Variants in DNASE1 observed in about 807,000 individuals in gnomAD.
The protein encoded by DNASE1 is deoxyribonuclease-1.
In DNASE1, 40 loss-of-function variants were observed where a neutral mutation model predicts 33.9. The ratio of observed to expected loss-of-function variants is 1.18; its 90% CI spans 0.92 to 1.54. DNASE1 has a LOEUF of 1.54. DNASE1 is among the 40% of genes most tolerant of loss of function. DNASE1 has a pLI of 0.00. For synonymous variants in DNASE1, 216 were observed against 160.0 expected, an observed-to-expected ratio of 1.35 and a Z score of -2.64; for missense variants, 518 against 372.6, an observed-to-expected ratio of 1.39 and a Z score of -3.21.
intron 1 of DNASE1, among the ~76,000 whole-genome samples, chr16:3,645,238 C>T (rs1416663943): frequency 6.6e-6 from 1 of 152,216 alleles, no homozygotes; most frequent in East Asian, 1.9e-4. Flanking sequence ...GGGCGCCCTC[C>T]CTTTTCCTTT....
At chr16:3,661,963 G>T, downstream of DNASE1, 1 of 1,574,884 alleles carries the variant, frequency 6.3e-7, no homozygotes. Flanking sequence ...CCACAGGCTG[G>T]AAGAGCCAGG....
upstream of DNASE1, chr16:3,653,197 A>T (rs74005841): frequency 0.026 from 4,006 of 152,376 alleles, 182 homozygotes; most frequent in African/African-American, 0.091. Flanking sequence ...AACTAAGGAA[A>T]GCCAAGGATT....
At chr16:3,664,151 C>A in exon 10 of DNASE1, 1 of 1,076,484 alleles carries the variant, frequency 9.3e-7, no homozygotes, top group Non-Finnish European at 1.3e-6. Context: ...GTGCCCGTGA[C>A]CCTGACCCAC....
At chr16:3,638,104 AGTGTGTGTGTGTGTGTGTGTGT>A (rs58884007), upstream of DNASE1, among the ~76,000 whole-genome samples, 1 of 143,446 alleles carries the variant, frequency 7.0e-6, no homozygotes, top group East Asian at 2.0e-4. Context: ...AGTTTTTGTG[AGTGTGTGTGTGTGTGTGTGTGT>A]GTGTGTGTGT....
chr16:3,657,006 G>A lies in DNASE1; in HGVS notation c.444G>A (p.Arg148=), dbSNP rs563863449. 5 of 1,613,558 alleles carry A rather than the reference G, an allele frequency of 3.1e-6. No homozygotes were observed. Among genetic ancestry groups the A allele is most frequent in the Admixed American group, 1.7e-5 (1 of 59,992 alleles). The stretch of plus-strand genomic sequence containing the variant: ...ACGTGGCTGTCTCCACAGAGGTCAG[G>A]GAGTTTGCCATTGTTCCCCTGCATG... ...VRFFSRFTEV[R]EFAIVPLHAA... Residue 148 remains arginine (R), a synonymous_variant, in exon 6 of 9, where the codon AGG becomes AGA. Coordinates refer to ENST00000246949, the MANE Select transcript of DNASE1 (RefSeq NM_005223.4).
At chr16:3,619,264 G>T (rs2041217699) in intron 1 of DNASE1, among the ~76,000 whole-genome samples, 1 of 152,158 alleles carries the variant, frequency 6.6e-6, no homozygotes, top group South Asian at 2.1e-4. Flanking sequence ...TCAAACTCCT[G>T]CGCTCAAGTG....
intron 1 of DNASE1, among the ~76,000 whole-genome samples, chr16:3,625,594 G>A (rs2041483199): frequency 6.6e-6 from 1 of 152,030 alleles, no homozygotes; most frequent in Non-Finnish European, 1.5e-5. Context: ...CTGCACTCCA[G>A]CCTGGGCAAC....
downstream of DNASE1, chr16:3,659,171 A>T: frequency 3.4e-6 from 1 of 296,404 alleles, no homozygotes; most frequent in Non-Finnish European, 6.3e-6. Flanking sequence ...ATAATAAAAG[A>T]GAAGGGAGTA....
chr16:3,657,914 C>T lies in DNASE1; in HGVS notation c.810C>T (p.Ala270=). 1 of 1,614,092 alleles carries T rather than the reference C, an allele frequency of 6.2e-7. No individual in the cohort carries two copies. The highest frequency in any genetic ancestry group is 8.5e-7 in the Non-Finnish European group (1 of 1,180,030). The change falls in exon 9 of 9, where the codon GCC becomes GCT. Residue 270 remains alanine (A), a synonymous_variant. Transcript: ENST00000246949. ...AYGLSDQLAQ[A]ISDHYPVEVM... ...TGCCCACTTGCCTGCAGGCCCAAGC[C>T]ATCAGTGACCACTATCCAGTGGAGG... is the stretch of plus-strand genomic sequence containing the variant.
At chr16:3,659,049 C>CAGGAGTGTCAGTATTAGAAAATGCTGT, downstream of DNASE1, 3 of 610,076 alleles carry the variant, frequency 4.9e-6, no homozygotes, top group South Asian at 2.4e-5. Context: ...CCAAGAGAAT[C>CAGGAGTGTCAGTATTAGAAAATGCTGT]AGGAGTGTCA....
intron 1 of DNASE1, among the ~76,000 whole-genome samples, chr16:3,623,085 T>G (rs1027036663): frequency 6.6e-6 from 1 of 152,190 alleles, no homozygotes; most frequent in Non-Finnish European, 1.5e-5. Flanking sequence ...GGTGCACACC[T>G]GTGGTCCTAG....
chr16:3,631,094 C>G (rs1324185206), intron 1 of DNASE1, among the ~76,000 whole-genome samples: 1 of 151,348 alleles, frequency 6.6e-6, no homozygotes. Context: ...GCAATCTTGG[C>G]TCACTGCAAC....
chr16:3,652,123 T>G (rs1032916716), upstream of DNASE1: 3 of 152,402 alleles, frequency 2.0e-5, no homozygotes, highest in Admixed American at 1.3e-4. Flanking sequence ...GTTCCAGCCT[T>G]CCTTCTGGCA....
At position 3,655,507 on chromosome 16, in the gene DNASE1, G is replaced by C; in HGVS notation, c.134G>C (p.Ser45Thr). The stretch of plus-strand genomic sequence containing the variant: ...AAGATGTCCAATGCCACCCTCGTCA[G>C]CTACATTGTGCAGGTGAGGCCAGGG... ...ETKMSNATLV[S>T]YIVQILSRYD... The change falls in exon 2 of 9, where the codon AGC (serine) becomes ACC (threonine). Residue 45 changes from serine to threonine, a missense_variant. Transcript: ENST00000246949. 1.2e-6 allele frequency: 2 copies of C among 1,614,138 alleles called. No individual in the cohort carries two copies. The highest frequency in any genetic ancestry group is 1.7e-6 in the Non-Finnish European group (2 of 1,180,026).
At chr16:3,643,235 C>T (rs775764265) in intron 1 of DNASE1, among the ~76,000 whole-genome samples, 4 of 152,232 alleles carry the variant, frequency 2.6e-5, no homozygotes, top group East Asian at 1.9e-4. Flanking sequence ...GACCCCTGAG[C>T]GAAGGAGCCA....
chr16:3,618,389 T>C (rs2041183926), intron 1 of DNASE1, among the ~76,000 whole-genome samples: 1 of 152,186 alleles, frequency 6.6e-6, no homozygotes, highest in Admixed American at 6.6e-5. Context: ...AAAATCATCA[T>C]ATGATTCAGC....
chr16:3,663,989 G>C (rs951586585), exon 10 of DNASE1: 1 of 369,624 alleles, frequency 2.7e-6, no homozygotes, highest in East Asian at 5.4e-5. Context: ...CCTGAACCCA[G>C]GAGGCGGAAG....
intron 1 of DNASE1, among the ~76,000 whole-genome samples, chr16:3,624,888 T>G (rs931544105): frequency 1.3e-4 from 20 of 152,134 alleles, no homozygotes; most frequent in African/African-American, 4.1e-4. Context: ...TTAGTAGAGA[T>G]AGGGTTTTGC....
chr16:3,658,667 ATCT>A, downstream of DNASE1: 2 of 874,112 alleles, frequency 2.3e-6, no homozygotes, highest in Non-Finnish European at 3.5e-6. Flanking sequence ...GCAACACTCC[ATCT>A]CAAAAAACAA....
Sources: allele counts gnomAD v4.1 joint callset (sites outside exome capture counted in the v4.1 genomes callset), GRCh38; gene constraint gnomAD v4.1.1; transcripts MANE v1.5; gene names NCBI Gene and HGNC (gene_info 2026-07-23, HGNC 2026-07-21).